TMEM260: variants seen among roughly 807,000 people sequenced by gnomAD.
TMEM260 encodes transmembrane protein 260, also known as protein O-mannosyl-transferase TMEM260.
TMEM260 carries 82 observed loss-of-function variants against 88.9 expected under a neutral mutation model. The observed-to-expected ratio is 0.92, with a 90% confidence interval of 0.77 to 1.11. The LOEUF (loss-of-function observed/expected upper bound fraction) is 1.11. Ranked by LOEUF, TMEM260 falls within the 50% of genes least tolerant of loss-of-function variation. TMEM260 has a pLI of 0.00. For synonymous variants in TMEM260, 314 were observed against 309.3 expected (o/e 1.02, Z -0.16); for missense variants, 902 against 853.4 (o/e 1.06, Z -0.71).
At position 56,585,843 on chromosome 14, in the gene TMEM260, A is replaced by G. The variant is rs1349632067; in HGVS notation, c.275A>G (p.Tyr92Cys). The G allele has an allele frequency of 6.2e-7, 1 of 1,613,436 alleles. No individual in the cohort carries two copies. The change falls in exon 3 of 16, where the codon TAC (tyrosine) becomes TGC (cysteine). Residue 92 changes from tyrosine (Y) to cysteine (C), a missense_variant. Transcript: ENST00000261556. ...ITLFPFGSIA[Y>C]RVNLLCGLFG... ...CTGTTTCCTTTTGGTTCAATTGCCT[A>G]CCGCGTCAATCTTCTCTGTGGCTTA... is the stretch of plus-strand genomic sequence containing the variant.
At chr14:56,645,505 AGG>A (rs36164212) in intron 15 of TMEM260, among the ~76,000 whole-genome samples, 1 of 146,874 alleles carries the variant, frequency 6.8e-6, no homozygotes, top group Non-Finnish European at 1.5e-5. Context: ...GGGTGGGGGT[AGG>A]GGGGAGGGAT....
the TMEM260 span, among the ~76,000 whole-genome samples, chr14:56,659,927 T>C: frequency 2.6e-5 from 4 of 152,040 alleles, no homozygotes; most frequent in Non-Finnish European, 5.9e-5. Flanking sequence ...GTTTGGACAG[T>C]GGGTTGCAAG....
chr14:56,621,506 A>G (rs1017180368), intron 10 of TMEM260, 25 bp from the exon 11 acceptor site: 2 of 1,569,352 alleles, frequency 1.3e-6, no homozygotes, highest in Admixed American at 3.8e-5. Context: ...TTGCTATTTT[A>G]ATTTTTTTGG....
downstream of TMEM260, among the ~76,000 whole-genome samples, chr14:56,655,185 T>C (rs925545459): frequency 6.6e-6 from 1 of 151,758 alleles, no homozygotes; most frequent in Non-Finnish European, 1.5e-5. Context: ...AGATCAGGAG[T>C]TCGAGACCAG....
At chr14:56,645,174 G>A (rs1019930647) in intron 15 of TMEM260, among the ~76,000 whole-genome samples, 2 of 151,174 alleles carry the variant, frequency 1.3e-5, no homozygotes, top group Non-Finnish European at 2.9e-5. Flanking sequence ...AAATCATGCT[G>A]CTATAAAGAC....
Position 56,615,934 on chromosome 14 carries a change from T to C in TMEM260, c.858-10T>C, listed in dbSNP as rs936703932. The C allele has an allele frequency of 3.7e-6, 6 of 1,603,576 alleles. No homozygotes were observed. The highest frequency in any genetic ancestry group is 1.7e-4 in the Middle Eastern group (1 of 6,026). ...TTCCTGCCAACAATAAGTTAGATTGTTTTTTGCAGTTCTCAAGTAACAAAT... is the reference window on the plus strand; with the variant it reads ...TTCCTGCCAACAATAAGTTAGATTGCTTTTTGCAGTTCTCAAGTAACAAAT... On this transcript the variant is annotated splice_polypyrimidine_tract_variant and intron_variant, in intron 7 of 15. Transcript: ENST00000261556.
At chr14:56,657,079 C>T in the TMEM260 span, among the ~76,000 whole-genome samples, 1 of 152,120 alleles carries the variant, frequency 6.6e-6, no homozygotes. Flanking sequence ...CTATTGTCCC[C>T]TGCATTCTAC....
At chr14:56,612,799 C>T (rs17091804) in intron 7 of TMEM260, 6,582 of 152,618 alleles carry the variant, frequency 0.043, 481 homozygotes, top group African/African-American at 0.15. Context: ...TTAGCACCTC[C>T]TTCACTAAGA....
At chr14:56,636,275 TAAGCTTTTTTTCTAA>T (rs1889061451) in intron 14 of TMEM260, among the ~76,000 whole-genome samples, 1 of 152,162 alleles carries the variant, frequency 6.6e-6, no homozygotes, top group African/African-American at 2.4e-5. Flanking sequence ...GTGATAAGTG[TAAGCTTTTTTTCTAA>T]AATATTTGGT....
chr14:56,623,862 A>G (rs961733567), intron 11 of TMEM260, among the ~76,000 whole-genome samples: 1 of 152,220 alleles, frequency 6.6e-6, no homozygotes, highest in Non-Finnish European at 1.5e-5. Context: ...CATAAGCACA[A>G]TTTCTCAAAT....
At chr14:56,603,694 A>G (rs976937992) in intron 3 of TMEM260, 121 bp from the exon 4 acceptor site, 2 of 974,584 alleles carry the variant, frequency 2.1e-6, no homozygotes, top group Non-Finnish European at 3.2e-6. Context: ...TATTAACCAT[A>G]TAATGTGTTG....
intron 12 of TMEM260, among the ~76,000 whole-genome samples, chr14:56,628,830 A>T (rs1212381887): frequency 6.6e-6 from 1 of 151,950 alleles, no homozygotes; most frequent in East Asian, 1.9e-4. Flanking sequence ...ATTTAATATA[A>T]ATATTGATAT....
chr14:56,646,671 T>C (rs1221659853), intron 15 of TMEM260, among the ~76,000 whole-genome samples: 1 of 152,250 alleles, frequency 6.6e-6, no homozygotes, highest in Non-Finnish European at 1.5e-5. Flanking sequence ...TCTCACTTTA[T>C]GGATATCTCT....
intron 6 of TMEM260, among the ~76,000 whole-genome samples, chr14:56,611,170 G>T (rs1887250032): frequency 6.6e-6 from 1 of 151,978 alleles, no homozygotes; most frequent in Non-Finnish European, 1.5e-5. Flanking sequence ...GTTTCACCAT[G>T]TTGGCCAGGC....
chr14:56,629,730 C>T (rs940534383), intron 12 of TMEM260, among the ~76,000 whole-genome samples: 7 of 151,880 alleles, frequency 4.6e-5, no homozygotes, highest in African/African-American at 1.7e-4. Flanking sequence ...TACTGTTTTC[C>T]TCAGCATTTT....
In TMEM260 at chr14:56,633,005, T is replaced by TTTGTTTGCATAGGAA. The variant is rs1272245659; in HGVS notation, c.1561_1575dup (p.Val521_Ile525dup). 3 of 1,613,726 alleles carry TTTGTTTGCATAGGAA rather than the reference T, an allele frequency of 1.9e-6. No homozygotes were observed. The highest frequency in any genetic ancestry group is 2.5e-6 in the Non-Finnish European group (3 of 1,179,852). ...TTCTGTTTCCAACAGAAAAGAAACA[T>TTTGTTTGCATAGGAA]TTGTTTGCATAGGAATTCATGAAGG... On this transcript the variant is annotated inframe_insertion, in exon 13 of 16. Transcript: ENST00000261556.
At chr14:56,620,981 C>T (rs1181983146) in intron 10 of TMEM260, among the ~76,000 whole-genome samples, 2 of 152,130 alleles carry the variant, frequency 1.3e-5, no homozygotes, top group African/African-American at 4.8e-5. Flanking sequence ...CCTTGCTTCT[C>T]ATTGGTCTCA....
At position 56,579,818 on chromosome 14, in the gene TMEM260, C is replaced by G. The variant is rs867997529; in HGVS notation, c.-97C>G. 8.5e-7 allele frequency: 1 copy of G among 1,172,960 alleles called. No homozygotes were observed. Among genetic ancestry groups the G allele is most frequent in the Non-Finnish European group, 1.1e-6 (1 of 935,044 alleles). The allele number at this position is 1,172,960 out of a possible 1,614,324, so 72.7% of individuals were successfully genotyped here. A position where few individuals can be genotyped will look rare whatever the true frequency, so the allele number is the denominator to read the frequency against. ...GGCTCGACCCGGAAGCCGCCGTGGC[C>G]GCCGCACAAGCTGCGCTCGTCTCTC... On this transcript the variant is annotated 5_prime_UTR_variant, in exon 1 of 16. Transcript: ENST00000261556.
chr14:56,650,259 G>A, downstream of TMEM260: 2 of 342,372 alleles, frequency 5.8e-6, no homozygotes, highest in Non-Finnish European at 5.7e-6. Context: ...ACTTCGGCCT[G>A]AAGAGCCAGT....
Sources: allele counts gnomAD v4.1 joint callset (sites outside exome capture counted in the v4.1 genomes callset), GRCh38; gene constraint gnomAD v4.1.1; transcripts MANE v1.5; gene names NCBI Gene and HGNC (gene_info 2026-07-23, HGNC 2026-07-21).